Variants in EXD3 observed in about 807,000 individuals in gnomAD.
EXD3 encodes exonuclease 3'-5' domain containing 3, also known as exonuclease mut-7 homolog.
Under a neutral mutation model 98.0 loss-of-function variants are expected in EXD3, and 92 were observed. That is an observed-to-expected ratio of 0.94 (90% confidence interval 0.79 to 1.12). The LOEUF (loss-of-function observed/expected upper bound fraction) is 1.12. Among genes scored for constraint, EXD3 ranks in the 50% most tolerant of loss-of-function variants. The pLI is 0.00. For synonymous variants in EXD3, 569 were observed against 526.0 expected, an observed-to-expected ratio of 1.08 and a Z score of -1.12; for missense variants, 1,222 against 1,191.6, an observed-to-expected ratio of 1.03 and a Z score of -0.38.
At chr9:137,388,384 T>A (rs1024435817) in intron 2 of EXD3, among the ~76,000 whole-genome samples, 1 of 152,092 alleles carries the variant, frequency 6.6e-6, no homozygotes. Context: ...GGACGCAGGA[T>A]GGGCAGAACA....
At chr9:137,334,802 G>A (rs546642371) in intron 17 of EXD3, among the ~76,000 whole-genome samples, 1 of 152,306 alleles carries the variant, frequency 6.6e-6, no homozygotes, top group East Asian at 1.9e-4. Context: ...CAGCCCACAA[G>A]GCCGGTGGCT....
intron 20 of EXD3, among the ~76,000 whole-genome samples, chr9:137,309,239 G>A (rs961857557): frequency 6.6e-6 from 1 of 152,210 alleles, no homozygotes; most frequent in Non-Finnish European, 1.5e-5. Flanking sequence ...GTGGACATCT[G>A]GGGTCAGCTA....
chr9:137,413,589 G>A (rs1366186255), intron 1 of EXD3, among the ~76,000 whole-genome samples: 2 of 137,850 alleles, frequency 1.5e-5, no homozygotes, highest in South Asian at 2.4e-4. Context: ...CACTGTAACC[G>A]CCTCCTGGCT....
rs1304325554 is a variant in EXD3 at position 137,348,363 on chromosome 9, T to C, written c.1831-125A>G. 3 of 1,114,890 alleles carry C rather than the reference T, an allele frequency of 2.7e-6. No individual in the cohort carries two copies. The African/African-American group carries it at 4.8e-5, about 18-fold the overall frequency. The allele number at this position is 1,114,890 out of a possible 1,614,324, so 69.1% of individuals were successfully genotyped here. On this transcript the variant is annotated intron_variant, in intron 16 of 21. Transcript: ENST00000340951. ...CTGTTTTATCTTCAAAAGATAAAAC[T>C]GTGTGTGCTGTGCATAAAACAGCAG...
In EXD3 at chr9:137,324,914, G is replaced by A. The variant is rs1374813910; in HGVS notation, c.1999-771C>T. Among the ~76,000 whole-genome samples the A allele has an allele frequency of 6.6e-6, 1 of 151,934 alleles. No individual in the cohort carries two copies. Among genetic ancestry groups the A allele is most frequent in the Admixed American group, 6.6e-5 (1 of 15,252 alleles). ...TCACCGTGTTAGCCAGGATGGTCTC[G>A]ATCTCCTGACCTCGTGATCTGCCCG... On this transcript the variant is annotated intron_variant, in intron 17 of 21. Coordinates refer to ENST00000340951, the MANE Select transcript of EXD3 (RefSeq NM_017820.5). This position sits in a 1 kb window ranked among gnomAD's most constrained non-coding sequence, Gnocchi z 4.1.
chr9:137,364,330 C>A (rs904266192), intron 7 of EXD3, among the ~76,000 whole-genome samples: 1 of 152,002 alleles, frequency 6.6e-6, no homozygotes, highest in South Asian at 2.1e-4. Context: ...TTTTAAAAAT[C>A]ATTAATTTAG....
At position 137,397,281 on chromosome 9, in the gene EXD3, G is replaced by A. The variant is rs908490425; in HGVS notation, c.-47-1877C>T. On this transcript the variant is annotated intron_variant, in intron 1 of 21. Coordinates refer to ENST00000340951, the MANE Select transcript of EXD3 (RefSeq NM_017820.5). ...CGGAGGACAGATCCAGACCAAGCCCGTGAAAGCTGGAGAAGGTTGAGTCCC... is the reference window on the plus strand; with the variant it reads ...CGGAGGACAGATCCAGACCAAGCCCATGAAAGCTGGAGAAGGTTGAGTCCC... Among the ~76,000 whole-genome samples the A allele has an allele frequency of 1.5e-4, 23 of 152,298 alleles. 1 individual carries two copies. Among genetic ancestry groups the A allele is most frequent in the South Asian group, 8.3e-4 (4 of 4,830 alleles).
chr9:137,415,036 T>A (rs1291023701), intron 1 of EXD3, among the ~76,000 whole-genome samples: 1 of 151,080 alleles, frequency 6.6e-6, no homozygotes, highest in Non-Finnish European at 1.5e-5. Context: ...TACAGGTGCC[T>A]GCCACCACGC....
At chr9:137,367,728 C>T (rs1835339375) in intron 6 of EXD3, 3 of 539,712 alleles carry the variant, frequency 5.6e-6, no homozygotes, top group East Asian at 3.2e-5. Context: ...ACACGGGGTT[C>T]GTGTACGTGC....
rs543830073 is a variant in EXD3 at position 137,375,730 on chromosome 9, G to A, written c.121-2131C>T. On this transcript the variant is annotated intron_variant, in intron 3 of 21. Coordinates refer to ENST00000340951, the MANE Select transcript of EXD3 (RefSeq NM_017820.5). ...CCCTAGTGAGTTCTAGCCCTAGTGA[G>A]TTCTATCTGTAGTTAAGTTGGCAGA... Among the ~76,000 whole-genome samples the A allele has an allele frequency of 1.6e-4, 25 of 152,306 alleles. No individual in the cohort carries two copies. In the South Asian group the frequency reaches 5.2e-3, roughly 32 times the overall value.
intron 17 of EXD3, among the ~76,000 whole-genome samples, chr9:137,336,271 T>G (rs1833348064): frequency 6.6e-6 from 1 of 152,218 alleles, no homozygotes; most frequent in Non-Finnish European, 1.5e-5. Context: ...AAATGCCACT[T>G]GTACCCCAAA....
rs1274526631 is a variant in EXD3 at position 137,354,734 on chromosome 9, G to A, written c.797C>T (p.Ala266Val). Residue 266 changes from alanine to valine, a missense_variant, in exon 9 of 22, where the codon GCC (alanine) becomes GTC (valine). Ala to Val is a moderately conservative substitution (Grantham distance 64). Transcript: ENST00000340951. ...PNAAIQQRLA[A>V]LRHLCHKRFV... ...CCGCTTGTGGCACAGGTGCCGCAGG[G>A]CCGCCAGGCGCTGCTGAATGGCCGC... The A allele has an allele frequency of 7.5e-6, 12 of 1,610,712 alleles. No homozygotes were observed. Among genetic ancestry groups the A allele is most frequent in the Non-Finnish European group, 1.0e-5 (12 of 1,179,680 alleles).
chr9:137,315,882 C>T (rs747879279), intron 19 of EXD3, among the ~76,000 whole-genome samples: 9 of 151,790 alleles, frequency 5.9e-5, no homozygotes, highest in Non-Finnish European at 1.3e-4. Context: ...GGTCCCAACA[C>T]GGTGCCCTGG....
intron 8 of EXD3, among the ~76,000 whole-genome samples, chr9:137,355,460 A>AGGAAGGAGGAAGGAG (rs1231023248): frequency 7.3e-6 from 1 of 137,496 alleles, no homozygotes; most frequent in Non-Finnish European, 1.6e-5. Flanking sequence ...TGGAGGAAGG[A>AGGAAGGAGGAAGGAG]GAAAGGAGGA....
At chr9:137,314,748 G>A (rs1407403137) in intron 19 of EXD3, among the ~76,000 whole-genome samples, 1 of 152,146 alleles carries the variant, frequency 6.6e-6, no homozygotes, top group African/African-American at 2.4e-5. Flanking sequence ...GGGCAGCGTC[G>A]GCGGCGAGAA....
intron 1 of EXD3, among the ~76,000 whole-genome samples, chr9:137,422,305 C>T (rs1465205315): frequency 6.6e-6 from 1 of 152,042 alleles, no homozygotes; most frequent in East Asian, 1.9e-4. Flanking sequence ...AATCATTTAT[C>T]TGAGGAATGT....
chr9:137,329,923 C>CACAGGACTAG (rs1308818580), intron 17 of EXD3, among the ~76,000 whole-genome samples: 1 of 106,144 alleles, frequency 9.4e-6, no homozygotes, highest in African/African-American at 4.6e-5. Context: ...CACAGGACTA[C>CACAGGACTAG]ACAGGACTAC....
intron 17 of EXD3, among the ~76,000 whole-genome samples, chr9:137,336,176 G>A (rs923901591): frequency 4.6e-5 from 7 of 152,162 alleles, no homozygotes; most frequent in African/African-American, 1.4e-4. Context: ...ATAAAAAGAC[G>A]ACATATTGGG....
At chr9:137,397,591 G>A (rs1017723652) in intron 1 of EXD3, among the ~76,000 whole-genome samples, 2 of 152,172 alleles carry the variant, frequency 1.3e-5, no homozygotes, top group Non-Finnish European at 2.9e-5. Flanking sequence ...AAGCAACTTC[G>A]AGGAAGGCCT....
Sources: gnomAD v4.1 joint callset for allele counts (sites outside exome capture counted in the v4.1 genomes callset) on GRCh38, gnomAD v4.1.1 for gene constraint, Gnocchi (gnomAD v3.1) non-coding constraint, MANE v1.5 for transcripts, NCBI Gene and HGNC (gene_info 2026-07-23, HGNC 2026-07-21) for gene names.